Variants in ZYG11B observed in about 807,000 individuals in gnomAD.
ZYG11B encodes zyg-11 family member B, cell cycle regulator.
In ZYG11B, 36 loss-of-function variants were observed where a neutral mutation model predicts 82.4. That is an observed-to-expected ratio of 0.44 (90% CI 0.33 to 0.58). ZYG11B has a LOEUF of 0.58. Ranked by LOEUF, ZYG11B falls within the 20% of genes least tolerant of loss-of-function variation. The probability of loss-of-function intolerance (pLI) is 0.02; values close to 1 mark genes in which losing one functional copy is unlikely to be tolerated. For synonymous variants in ZYG11B, 303 were observed against 312.8 expected (o/e 0.97, Z 0.33); for missense variants, 552 against 895.6 (o/e 0.62, Z 4.90).
intron 3 of ZYG11B, chr1:52,772,247 G>A: frequency 7.6e-7 from 1 of 1,319,178 alleles, no homozygotes; most frequent in South Asian, 1.2e-5. Flanking sequence ...CTGGGAGGGA[G>A]GACTCGCTTG....
rs554822779 is a variant in ZYG11B, at chr1:52,768,694, G to A, written c.197-2326G>A. Among the ~76,000 whole-genome samples, 5 of 149,804 alleles carry A rather than the reference G, an allele frequency of 3.3e-5. No individual in the cohort carries two copies. The South Asian group carries it at 1.0e-3, about 31-fold the overall frequency. On this transcript the variant is annotated intron_variant, in intron 2 of 13. Transcript: ENST00000294353. ...ACTGCAGCCTCCGCCTCCCAAGTTCGAGTGATTCTCTGCCTCAACCTCCCA... is the reference window on the plus strand; with the variant it reads ...ACTGCAGCCTCCGCCTCCCAAGTTCAAGTGATTCTCTGCCTCAACCTCCCA...
intron 2 of ZYG11B, among the ~76,000 whole-genome samples, chr1:52,761,349 A>G (rs1644629929): frequency 6.6e-6 from 1 of 152,172 alleles, no homozygotes; most frequent in African/African-American, 2.4e-5. Context: ...TCTTCTCTCT[A>G]CAAGTCTCCA....
chr1:52,784,258 C>T (rs553912601), intron 4 of ZYG11B, among the ~76,000 whole-genome samples: 1 of 152,286 alleles, frequency 6.6e-6, no homozygotes, highest in Non-Finnish European at 1.5e-5. Context: ...TCCCAGAGTG[C>T]TGGGATTACA....
Position 52,726,687 on chromosome 1 carries a change from A to G in ZYG11B, c.30+4A>G. 2 of 1,478,464 alleles carry G rather than the reference A, an allele frequency of 1.4e-6. No homozygotes were observed. The highest frequency in any genetic ancestry group is 8.9e-7 in the Non-Finnish European group (1 of 1,121,166). The allele number at this position is 1,478,464 out of a possible 1,614,324, so 91.6% of individuals were successfully genotyped here. ...GGACCAGGCCGGCGCAGCCATGGTG[A>G]GGGAGCAAGGCCTGCCCTAGCCGCA... On this transcript the variant is annotated splice_donor_region_variant and intron_variant, in intron 1 of 13. Coordinates refer to ENST00000294353, the MANE Select transcript of ZYG11B (RefSeq NM_024646.3).
intron 12 of ZYG11B, among the ~76,000 whole-genome samples, chr1:52,814,805 G>A (rs968695483): frequency 2.6e-5 from 4 of 152,156 alleles, no homozygotes; most frequent in African/African-American, 9.7e-5. Context: ...GGAAGAAAAA[G>A]CATCGTATTA....
At chr1:52,729,601 G>T (rs989121950) in intron 1 of ZYG11B, among the ~76,000 whole-genome samples, 1 of 152,220 alleles carries the variant, frequency 6.6e-6, no homozygotes, top group African/African-American at 2.4e-5. Context: ...ATTAGGTTGT[G>T]TTTGAATAGT....
chr1:52,770,992 A>T, intron 2 of ZYG11B, 28 bp from the exon 3 acceptor site: 1 of 1,573,792 alleles, frequency 6.4e-7, no homozygotes, highest in South Asian at 1.2e-5. Flanking sequence ...TGTTTTTTGA[A>T]TTTAAAACGC....
chr1:52,780,004 G>A lies in ZYG11B; in HGVS notation c.1092+11G>A, dbSNP rs766399421. 6.2e-7 allele frequency: 1 copy of A among 1,605,524 alleles called. No individual in the cohort carries two copies. Among genetic ancestry groups the A allele is most frequent in the South Asian group, 1.1e-5 (1 of 89,168 alleles). Reference sequence around the variant, plus strand: ...CCAGAAATTTTAAAGGTAAGAATAAGAAACTGGATATGAAATTTTTGAAAT... The same window carrying A: ...CCAGAAATTTTAAAGGTAAGAATAAAAAACTGGATATGAAATTTTTGAAAT... On this transcript the variant is annotated intron_variant, in intron 4 of 13. Coordinates refer to ENST00000294353, the MANE Select transcript of ZYG11B (RefSeq NM_024646.3).
Position 52,756,506 on chromosome 1 carries a change from AC to A in ZYG11B, c.80del (p.Thr27IlefsTer42). On this transcript the variant is annotated frameshift_variant, in exon 2 of 14. Transcript: ENST00000294353. LOFTEE classifies it high-confidence loss of function. ...ACTTGATATCTGCTTGAATTTCTTG[AC>A]TACTCACCTTGAGAAGTTCTGTTCA... ...SLLDICLNFL[T>X]THLEKFCSAR... is the part of the protein sequence containing the mutation. 6.2e-7 allele frequency: 1 copy of A among 1,614,052 alleles called. No homozygotes were observed. Among genetic ancestry groups the A allele is most frequent in the Non-Finnish European group, 8.5e-7 (1 of 1,180,014 alleles).
At position 52,821,514 on chromosome 1, in the gene ZYG11B, C is replaced by G. The variant is rs751461011; in HGVS notation, c.2120C>G (p.Thr707Ser). Residue 707 changes from threonine to serine, a missense_variant, in exon 14 of 14, where the codon ACT becomes AGT. Thr to Ser is a moderately conservative substitution (Grantham distance 58). This residue lies in a region of ZYG11B where 127 missense variants were observed against 163.4 expected (regional missense o/e 0.78). Transcript: ENST00000294353. Reference sequence around the variant, plus strand: ...TACAACATCAAAGATCATGAACATACTGATCCCCATGTCCAACAGATTGCT... The same window carrying G: ...TACAACATCAAAGATCATGAACATAGTGATCCCCATGTCCAACAGATTGCT... ...HLYNIKDHEH[T>S]DPHVQQIAVA... is the part of the protein sequence containing the mutation. The G allele has an allele frequency of 2.7e-5, 44 of 1,613,876 alleles. 1 individual carries two copies. In the Admixed American group the frequency reaches 4.5e-4, roughly 17 times the overall value.
rs1431766174 is a variant in ZYG11B, at chr1:52,826,059, C to G, written c.*4430C>G. 1 of 152,090 alleles carries G rather than the reference C, an allele frequency of 6.6e-6. No homozygotes were observed. Among genetic ancestry groups the G allele is most frequent in the East Asian group, 1.9e-4 (1 of 5,200 alleles). 9.4% of individuals were successfully genotyped at this position (152,090 alleles called of 1,614,324 possible). A position where few individuals can be genotyped will look rare whatever the true frequency, so the allele number is the denominator to read the frequency against. ...TGGTGAAACCCATCCCTCTCCTGCC[C>G]TCTAATGGTATGTTTACATTATTTC... On this transcript the variant is annotated 3_prime_UTR_variant, in exon 14 of 14. Coordinates refer to ENST00000294353, the MANE Select transcript of ZYG11B (RefSeq NM_024646.3).
chr1:52,750,565 G>A (rs1002714545), intron 1 of ZYG11B, among the ~76,000 whole-genome samples: 4 of 152,150 alleles, frequency 2.6e-5, no homozygotes, highest in African/African-American at 9.7e-5. Flanking sequence ...GAGCCATCGT[G>A]CCTGACTCTG....
At chr1:52,734,294 A>G (rs1644359153) in intron 1 of ZYG11B, among the ~76,000 whole-genome samples, 1 of 152,134 alleles carries the variant, frequency 6.6e-6, no homozygotes, top group African/African-American at 2.4e-5. Context: ...CCCGGCAGAC[A>G]TCAATATTGA....
rs1023337907 is a variant in ZYG11B, at chr1:52,827,228, A to G, written c.*5599A>G. 2 of 152,204 alleles carry G rather than the reference A, an allele frequency of 1.3e-5. No homozygotes were observed. The highest frequency in any genetic ancestry group is 3.8e-4 in the East Asian group (2 of 5,200). The allele number at this position is 152,204 out of a possible 1,614,324, so 9.4% of individuals were successfully genotyped here. On this transcript the variant is annotated 3_prime_UTR_variant, in exon 14 of 14. Coordinates refer to ENST00000294353, the MANE Select transcript of ZYG11B (RefSeq NM_024646.3). ...GGCCAGATGAATGGGAGTATTCTGT[A>G]CATGAATCATGCTGTATTTTAAATC...
chr1:52,792,425 G>A (rs1644967479), intron 6 of ZYG11B, among the ~76,000 whole-genome samples: 1 of 152,132 alleles, frequency 6.6e-6, no homozygotes, highest in African/African-American at 2.4e-5. Context: ...ACTACTGCCA[G>A]GCAGACATTG....
At chr1:52,756,106 C>T (rs954780777) in intron 1 of ZYG11B, among the ~76,000 whole-genome samples, 2 of 152,192 alleles carry the variant, frequency 1.3e-5, no homozygotes, top group African/African-American at 4.8e-5. Context: ...CATGTCTGAA[C>T]AGCATATTGT....
At chr1:52,730,137 A>C (rs1395342239) in intron 1 of ZYG11B, among the ~76,000 whole-genome samples, 1 of 152,114 alleles carries the variant, frequency 6.6e-6, no homozygotes, top group Non-Finnish European at 1.5e-5. Context: ...CATAATGCTG[A>C]TGCTGCTGGT....
rs530251068 is a variant in ZYG11B, at chr1:52,784,001, G to T, written c.1093-876G>T. On this transcript the variant is annotated intron_variant, in intron 4 of 13. Coordinates refer to ENST00000294353, the MANE Select transcript of ZYG11B (RefSeq NM_024646.3). ...ACACACACACATATATATATATAGAGAGAGAGAGAGATGGAGTTTCACCGT... is the reference window on the plus strand; with the variant it reads ...ACACACACACATATATATATATAGATAGAGAGAGAGATGGAGTTTCACCGT... 9.5e-3 allele frequency among the ~76,000 whole-genome samples: 919 copies of T among 96,612 alleles called. 8 individuals carry two copies. The highest frequency in any genetic ancestry group is 0.04 in the African/African-American group (854 of 21,266). The allele number at this position is 96,612 out of a possible 152,430, so 63.4% of individuals were successfully genotyped here. A position where few individuals can be genotyped will look rare whatever the true frequency, so the allele number is the denominator to read the frequency against.
In ZYG11B at chr1:52,756,548, A is replaced by G. The variant is rs770452003; in HGVS notation, c.121A>G (p.Thr41Ala). 2 of 1,614,058 alleles carry G rather than the reference A, an allele frequency of 1.2e-6. No individual in the cohort carries two copies. Among genetic ancestry groups the G allele is most frequent in the Non-Finnish European group, 1.7e-6 (2 of 1,179,964 alleles). Reference sequence around the variant, plus strand: ...GTTCTGTTCAGCCAGACAAGATGGAACATTGTGTCTGCAGGAACCTGGAGT... The same window carrying G: ...GTTCTGTTCAGCCAGACAAGATGGAGCATTGTGTCTGCAGGAACCTGGAGT... ...EKFCSARQDG[T>A]LCLQEPGVFP... Residue 41 changes from threonine (T) to alanine (A), a missense_variant, in exon 2 of 14, where the codon ACA becomes GCA. By Grantham distance (58) the Thr-to-Ala change is moderately conservative. This residue lies in a region of ZYG11B where 359 missense variants were observed against 555.8 expected (regional missense o/e 0.65). Transcript: ENST00000294353.
Sources: allele counts gnomAD v4.1 joint callset (sites outside exome capture counted in the v4.1 genomes callset), GRCh38; gene constraint gnomAD v4.1.1; regional missense constraint gnomAD v4.1.1; transcripts MANE v1.5; gene names NCBI Gene and HGNC (gene_info 2026-07-23, HGNC 2026-07-21).